The following PKIB variants were observed in gnomAD, a reference collection of about 807,000 sequenced individuals.
PKIB encodes the protein cAMP-dependent protein kinase inhibitor beta, also known as PKI-beta.
In PKIB, 2 loss-of-function variants were observed where a neutral mutation model predicts 4.5. That is an observed-to-expected ratio of 0.44 (90% confidence interval 0.18 to 1.39). The LOEUF (loss-of-function observed/expected upper bound fraction) is 1.39. Ranked by LOEUF, PKIB falls within the 40% of genes most tolerant of loss-of-function variation. The pLI, the probability that PKIB is intolerant of heterozygous loss-of-function variation, is 0.27. For synonymous variants in PKIB, 38 were observed against 36.0 expected, an observed-to-expected ratio of 1.06 and a Z score of -0.20; for missense variants, 94 against 92.6, an observed-to-expected ratio of 1.02 and a Z score of -0.06.
chr6:122,508,315 T>C (rs1032326084), intron 2 of PKIB, among the ~76,000 whole-genome samples: 5 of 152,192 alleles, frequency 3.3e-5, no homozygotes, highest in African/African-American at 1.2e-4. Context: ...GTGACGTCTG[T>C]TTGTCAGATT....
At chr6:122,724,102 T>C (rs2115097934) in intron 4 of PKIB, among the ~76,000 whole-genome samples, 1 of 152,246 alleles carries the variant, frequency 6.6e-6, no homozygotes, top group Non-Finnish European at 1.5e-5. Flanking sequence ...ATAGTTTCAC[T>C]TAAAAACGGA....
At chr6:122,543,737 A>G (rs1423291672) in intron 2 of PKIB, among the ~76,000 whole-genome samples, 2 of 151,998 alleles carry the variant, frequency 1.3e-5, no homozygotes, top group Non-Finnish European at 2.9e-5. Context: ...AGCTGCTGCT[A>G]AGGATACCAG....
chr6:122,637,478 CA>C (rs1399991480), intron 2 of PKIB, among the ~76,000 whole-genome samples: 1 of 152,046 alleles, frequency 6.6e-6, no homozygotes, highest in African/African-American at 2.4e-5. Context: ...AGATGAAGGC[CA>C]GGTGCGGTGG....
At chr6:122,633,156 C>A (rs1775767130) in intron 1 of PKIB, 127 bp from the exon 2 acceptor site, 1 of 152,158 alleles carries the variant, frequency 6.6e-6, no homozygotes, top group Non-Finnish European at 1.5e-5. Context: ...GTTGTTTTAA[C>A]AACATGTGAC....
intron 2 of PKIB, among the ~76,000 whole-genome samples, chr6:122,571,916 A>C (rs1773376759): frequency 6.6e-6 from 1 of 152,192 alleles, no homozygotes; most frequent in African/African-American, 2.4e-5. Flanking sequence ...AAATAGCCTA[A>C]ATGCTTCACT....
At chr6:122,539,440 C>T (rs1190991899) in intron 2 of PKIB, among the ~76,000 whole-genome samples, 1 of 152,022 alleles carries the variant, frequency 6.6e-6, no homozygotes, top group Non-Finnish European at 1.5e-5. Flanking sequence ...TTGAGATAAT[C>T]ATGTGGTTTT....
intron 2 of PKIB, among the ~76,000 whole-genome samples, chr6:122,574,140 T>C: frequency 6.6e-6 from 1 of 152,154 alleles, no homozygotes; most frequent in South Asian, 2.1e-4. Flanking sequence ...AGGCTGAGAA[T>C]CAAATCAAGA....
chr6:122,676,868 T>C (rs1465716243), intron 3 of PKIB, among the ~76,000 whole-genome samples: 2 of 152,202 alleles, frequency 1.3e-5, no homozygotes, highest in African/African-American at 4.8e-5. Flanking sequence ...ATTGCATACA[T>C]TTATTAATCT....
intron 4 of PKIB, among the ~76,000 whole-genome samples, chr6:122,720,993 C>T (rs1323784214): frequency 3.9e-5 from 6 of 152,278 alleles, no homozygotes; most frequent in South Asian, 2.1e-4. Context: ...TGAGCCACTG[C>T]GCCTGGCCTT....
Position 122,725,229 on chromosome 6 carries a change from GC to G in PKIB, c.*35del, listed in dbSNP as rs773420313. On this transcript the variant is annotated 3_prime_UTR_variant, in exon 5 of 5. Coordinates refer to ENST00000368452, the MANE Select transcript of PKIB (RefSeq NM_181795.3). Reference sequence around the variant, plus strand: ...AATCTATCAAGAGTGCTGAATTTCTGCATGTTGAAAGACTTAGTGGTTCTGT... The same window carrying G: ...AATCTATCAAGAGTGCTGAATTTCTGATGTTGAAAGACTTAGTGGTTCTGT... 2 of 1,550,554 alleles carry G rather than the reference GC, an allele frequency of 1.3e-6. No homozygotes were observed. The highest frequency in any genetic ancestry group is 3.7e-5 in the Admixed American group (2 of 54,566).
chr6:122,593,531 T>C (rs1162245306), intron 3 of PKIB, among the ~76,000 whole-genome samples: 1 of 152,204 alleles, frequency 6.6e-6, no homozygotes, highest in Non-Finnish European at 1.5e-5. Context: ...ATAGTGACTT[T>C]ATTACGTGAA....
At chr6:122,545,734 G>T (rs1002547767) in intron 2 of PKIB, among the ~76,000 whole-genome samples, 2 of 150,682 alleles carry the variant, frequency 1.3e-5, no homozygotes, top group Non-Finnish European at 2.9e-5. Context: ...CCAAACCCCT[G>T]CAACATGCAA....
rs902163859 is a variant in PKIB at position 122,725,717 on chromosome 6, G to A, written c.*522G>A. On this transcript the variant is annotated 3_prime_UTR_variant, in exon 5 of 5. Coordinates refer to ENST00000368452, the MANE Select transcript of PKIB (RefSeq NM_181795.3). ...AGACTTTTTCCCAAACCTCAAAAAC[G>A]TCTTGGAAAAATTGTAAAAGTTTGA... is the stretch of plus-strand genomic sequence containing the variant. 1 of 152,104 alleles carries A rather than the reference G, an allele frequency of 6.6e-6. No homozygotes were observed. Among genetic ancestry groups the A allele is most frequent in the African/African-American group, 2.4e-5 (1 of 41,418 alleles). The allele number at this position is 152,104 out of a possible 1,614,324, so 9.4% of individuals were successfully genotyped here. A position where few individuals can be genotyped will look rare whatever the true frequency, so the allele number is the denominator to read the frequency against.
upstream of PKIB, among the ~76,000 whole-genome samples, chr6:122,606,195 T>C (rs1041257051): frequency 2.0e-5 from 3 of 151,982 alleles, no homozygotes; most frequent in African/African-American, 7.3e-5. Flanking sequence ...AGAAGAAACA[T>C]AGGGAAGATG....
At chr6:122,552,529 AC>A (rs1380993449) in intron 2 of PKIB, among the ~76,000 whole-genome samples, 1 of 152,004 alleles carries the variant, frequency 6.6e-6, no homozygotes, top group Non-Finnish European at 1.5e-5. Flanking sequence ...GGTGTGTGCC[AC>A]CATGCCCAGC....
intron 3 of PKIB, among the ~76,000 whole-genome samples, chr6:122,599,310 A>T (rs1191400983): frequency 6.6e-6 from 1 of 152,204 alleles, no homozygotes; most frequent in African/African-American, 2.4e-5. Flanking sequence ...TTACAAATTC[A>T]GTATCCCCAG....
intron 1 of PKIB, among the ~76,000 whole-genome samples, chr6:122,476,965 C>T (rs532147924): frequency 6.6e-6 from 1 of 152,258 alleles, no homozygotes. Context: ...ACGTCTAAAT[C>T]AGCACCTTCC....
rs1264109702 is a variant in PKIB, at chr6:122,522,588, T to G, written c.-248+44649T>G. Among the ~76,000 whole-genome samples, 3 of 152,236 alleles carry G rather than the reference T, an allele frequency of 2.0e-5. No individual in the cohort carries two copies. In the East Asian group the frequency reaches 5.8e-4, roughly 29 times the overall value. Reference sequence around the variant, plus strand: ...AGAGGGAATCTCCTGGTCTGTGGGTTGCAAAGACAGTGGGAAAAGTGTAGT... The same window carrying G: ...AGAGGGAATCTCCTGGTCTGTGGGTGGCAAAGACAGTGGGAAAAGTGTAGT... On this transcript the variant is annotated intron_variant, in intron 2 of 6. Transcript: ENST00000392491.
At chr6:122,687,021 T>C (rs901012328) in intron 3 of PKIB, among the ~76,000 whole-genome samples, 1 of 152,188 alleles carries the variant, frequency 6.6e-6, no homozygotes, top group African/African-American at 2.4e-5. Context: ...TTGTGAGTTA[T>C]TACTCAAGAA....
Sources: gnomAD v4.1 joint callset for allele counts (sites outside exome capture counted in the v4.1 genomes callset) on GRCh38, gnomAD v4.1.1 for gene constraint, MANE v1.5 for transcripts, NCBI Gene and HGNC (gene_info 2026-07-23, HGNC 2026-07-21) for gene names.